AGBL1: variants seen among roughly 807,000 people sequenced by gnomAD.
The protein encoded by AGBL1 is cytosolic carboxypeptidase 4.
Under a neutral mutation model 118.9 loss-of-function variants are expected in AGBL1, and 130 were observed. The observed-to-expected ratio is 1.09, with a 90% confidence interval of 0.95 to 1.26. The LOEUF is 1.26. AGBL1 is among the 50% of genes most tolerant of loss of function. The probability of loss-of-function intolerance (pLI) is 0.00; values close to 1 mark genes in which losing one functional copy is unlikely to be tolerated. For missense variants in AGBL1, 1,584 were observed against 1,298.1 expected, an observed-to-expected ratio of 1.22 and a Z score of -3.38; for synonymous variants, 555 against 478.9, an observed-to-expected ratio of 1.16 and a Z score of -2.08.
At chr15:86,691,049 G>A (rs1230921789) in intron 22 of AGBL1, among the ~76,000 whole-genome samples, 1 of 152,010 alleles carries the variant, frequency 6.6e-6, no homozygotes, top group Non-Finnish European at 1.5e-5. Context: ...GTAGTAGGTT[G>A]CATTTTTTTT....
intron 22 of AGBL1, among the ~76,000 whole-genome samples, chr15:86,704,358 G>A (rs578261409): frequency 2.0e-5 from 3 of 152,224 alleles, no homozygotes; most frequent in African/African-American, 7.2e-5. Flanking sequence ...GCACCCTACA[G>A]AATAGGAGAA....
At chr15:86,807,533 C>A (rs2078734697) in intron 22 of AGBL1, among the ~76,000 whole-genome samples, 1 of 151,868 alleles carries the variant, frequency 6.6e-6, no homozygotes, top group South Asian at 2.1e-4. Flanking sequence ...GGAATTGGAA[C>A]CTGTTTTAAT....
At chr15:86,484,525 C>T (rs570704884) in intron 18 of AGBL1, among the ~76,000 whole-genome samples, 20 of 152,184 alleles carry the variant, frequency 1.3e-4, no homozygotes, top group Non-Finnish European at 2.5e-4. Flanking sequence ...GACTAAGACC[C>T]TCTTGAGCCC....
intron 14 of AGBL1, 28 bp downstream of exon 14, chr15:86,270,095 T>C (rs1245975110): frequency 1.3e-6 from 2 of 1,594,654 alleles, no homozygotes; most frequent in African/African-American, 2.7e-5. Flanking sequence ...GCAGGGGCTT[T>C]CTGGAACATG....
At chr15:86,293,848 A>G (rs2079588336) in intron 16 of AGBL1, among the ~76,000 whole-genome samples, 1 of 152,144 alleles carries the variant, frequency 6.6e-6, no homozygotes, top group Non-Finnish European at 1.5e-5. Context: ...TTATTTGTCA[A>G]GAAACAAGGT....
At chr15:86,507,282 T>C (rs1339249201) in intron 18 of AGBL1, among the ~76,000 whole-genome samples, 2 of 152,104 alleles carry the variant, frequency 1.3e-5, no homozygotes, top group East Asian at 1.9e-4. Context: ...TCATGGAAGA[T>C]CCATTAATAC....
intron 17 of AGBL1, among the ~76,000 whole-genome samples, 190 bp from the exon 18 acceptor site, chr15:86,397,176 G>A (rs1484583716): frequency 2.6e-5 from 4 of 151,654 alleles, no homozygotes; most frequent in African/African-American, 7.3e-5. Context: ...GAGTAAGATC[G>A]TATCCCATGA....
At chr15:86,320,306 T>A (rs1314273202) in intron 17 of AGBL1, among the ~76,000 whole-genome samples, 1 of 152,248 alleles carries the variant, frequency 6.6e-6, no homozygotes, top group East Asian at 1.9e-4. Flanking sequence ...AATTTTATTT[T>A]TTTTTTGTAT....
At chr15:86,697,867 A>G (rs570426574) in intron 22 of AGBL1, among the ~76,000 whole-genome samples, 3 of 152,004 alleles carry the variant, frequency 2.0e-5, no homozygotes, top group African/African-American at 4.8e-5. Context: ...TTCTGGATCT[A>G]GCAGATTCCT....
chr15:86,327,190 G>A (rs2080196937), intron 17 of AGBL1, among the ~76,000 whole-genome samples: 2 of 152,212 alleles, frequency 1.3e-5, no homozygotes, highest in African/African-American at 4.8e-5. Context: ...AACAGAGATA[G>A]TCAATGTGCG....
chr15:86,847,435 TG>T (rs2079335438), intron 22 of AGBL1, among the ~76,000 whole-genome samples: 1 of 152,264 alleles, frequency 6.6e-6, no homozygotes, highest in Non-Finnish European at 1.5e-5. Flanking sequence ...GCTTTTGTTT[TG>T]TTTTTTGGTA....
intron 22 of AGBL1, among the ~76,000 whole-genome samples, chr15:86,703,218 T>C (rs1257931072): frequency 6.6e-6 from 1 of 152,176 alleles, no homozygotes; most frequent in Non-Finnish European, 1.5e-5. Context: ...TCACTTGTTA[T>C]TTTTTAAATG....
intron 22 of AGBL1, among the ~76,000 whole-genome samples, chr15:86,740,061 C>A (rs2077655833): frequency 3.3e-5 from 5 of 152,156 alleles, no homozygotes; most frequent in Admixed American, 3.3e-4. Flanking sequence ...TTTAAAGAGG[C>A]AATACATTTT....
chr15:86,278,771 G>T (rs967920731), intron 15 of AGBL1, among the ~76,000 whole-genome samples: 9 of 152,154 alleles, frequency 5.9e-5, no homozygotes, highest in African/African-American at 1.9e-4. Context: ...TCTCAGGAAA[G>T]CCTGTGCAGC....
intron 22 of AGBL1, among the ~76,000 whole-genome samples, chr15:86,872,125 C>T (rs961555350): frequency 6.6e-6 from 1 of 152,154 alleles, no homozygotes; most frequent in Non-Finnish European, 1.5e-5. Flanking sequence ...AGTTGTGCAG[C>T]CCCACGCACA....
chr15:86,389,186 T>G (rs1344620019), intron 17 of AGBL1, among the ~76,000 whole-genome samples: 1 of 152,118 alleles, frequency 6.6e-6, no homozygotes, highest in African/African-American at 2.4e-5. Flanking sequence ...GAAAGTTCAA[T>G]AATCTGGAAA....
intron 17 of AGBL1, among the ~76,000 whole-genome samples, chr15:86,341,018 C>T (rs2080453649): frequency 6.6e-6 from 1 of 152,174 alleles, no homozygotes; most frequent in African/African-American, 2.4e-5. Context: ...CAGTGGGGAG[C>T]AGGGCTAGGC....
At chr15:86,205,645 T>C (rs79214577) in intron 5 of AGBL1, among the ~76,000 whole-genome samples, 2,390 of 152,302 alleles carry the variant, frequency 0.016, 51 homozygotes, top group Middle Eastern at 0.051. Context: ...ATTGTAGTCA[T>C]TGTAATAGGT....
chr15:86,163,409 A>G lies in AGBL1; in HGVS notation c.488+4383A>G, dbSNP rs943128331. 1.2e-4 allele frequency among the ~76,000 whole-genome samples: 19 copies of G among 152,162 alleles called. No individual in the cohort carries two copies. The East Asian group carries it at 3.1e-3, about 25-fold the overall frequency. On this transcript the variant is annotated intron_variant, in intron 5 of 22. Transcript: ENST00000614907. Reference sequence around the variant, plus strand: ...ATGCCATTGCATGCCAGCCTGGGGGACAAATTGAGATCCTGTCTTAAAAAT... The same window carrying G: ...ATGCCATTGCATGCCAGCCTGGGGGGCAAATTGAGATCCTGTCTTAAAAAT...
Sources: gnomAD v4.1 joint callset for allele counts (sites outside exome capture counted in the v4.1 genomes callset) on GRCh38, gnomAD v4.1.1 for gene constraint, MANE v1.5 for transcripts, NCBI Gene and HGNC (gene_info 2026-07-23, HGNC 2026-07-21) for gene names.